CWC25: variants seen among roughly 807,000 people sequenced by gnomAD.
The protein encoded by CWC25 is pre-mRNA-splicing factor CWC25 homolog.
A neutral mutation model predicts 54.6 loss-of-function variants in CWC25; 31 were observed. The observed-to-expected ratio is 0.57, with a 90% CI of 0.43 to 0.77. The LOEUF (loss-of-function observed/expected upper bound fraction) is 0.77, where lower values mean the gene tolerates loss of function less well. CWC25 is among the 30% of genes least tolerant of loss of function. The pLI, the probability that CWC25 is intolerant of heterozygous loss-of-function variation, is 0.00. For missense variants in CWC25, 453 were observed against 529.3 expected, an observed-to-expected ratio of 0.86 and a Z score of 1.41; for synonymous variants, 151 against 187.0, an observed-to-expected ratio of 0.81 and a Z score of 1.57.
Position 38,806,385 on chromosome 17 carries a change from T to G in CWC25, c.913A>C (p.Lys305Gln), listed in dbSNP as rs1281257748. 1.9e-6 allele frequency: 3 copies of G among 1,613,510 alleles called. No individual in the cohort carries two copies. The highest frequency in any genetic ancestry group is 1.7e-6 in the Non-Finnish European group (2 of 1,179,716). Reference sequence around the variant, plus strand: ...TGGCCTGTCTCTCTCCTGTTCACCTTAGAGTTGTGCCTGTAGCAGACACAG... The same window carrying G: ...TGGCCTGTCTCTCTCCTGTTCACCTGAGAGTTGTGCCTGTAGCAGACACAG... ...SPRPSKLHNSKVNRRETGQTR... is the reference protein window; with the variant it reads ...SPRPSKLHNSQVNRRETGQTR... Residue 305 changes from lysine (K) to glutamine (Q), a missense_variant, in exon 8 of 10, where the codon AAG (lysine) becomes CAG (glutamine). Physicochemically the swap from Lys to Gln is moderately conservative, Grantham distance 53. Coordinates refer to ENST00000614790, the MANE Select transcript of CWC25 (RefSeq NM_017748.5).
At chr17:38,807,522 G>A (rs1326460437) in intron 6 of CWC25, among the ~76,000 whole-genome samples, 7 of 139,810 alleles carry the variant, frequency 5.0e-5, no homozygotes, top group African/African-American at 1.8e-4. Context: ...TTTGGGAGAC[G>A]GAGGCAGGAG....
chr17:38,802,291 T>TA (rs1225605399), intron 9 of CWC25, 85 bp from the exon 10 acceptor site: 20 of 901,240 alleles, frequency 2.2e-5, no homozygotes, highest in Middle Eastern at 4.3e-4. Context: ...AATGGGTTGT[T>TA]AGCCATAGAG....
chr17:38,811,405 C>T (rs575437702), intron 4 of CWC25, among the ~76,000 whole-genome samples: 3 of 151,508 alleles, frequency 2.0e-5, no homozygotes, highest in Admixed American at 6.6e-5. Flanking sequence ...TGGTAGCAGG[C>T]GCCTGTAGTC....
At chr17:38,808,758 T>C (rs1394736466) in intron 6 of CWC25, among the ~76,000 whole-genome samples, 4 of 149,402 alleles carry the variant, frequency 2.7e-5, no homozygotes, top group East Asian at 2.0e-4. Flanking sequence ...TCCAGCCTGG[T>C]TGACATGGAG....
In CWC25 at chr17:38,806,348, G is replaced by A. The variant is rs768068334; in HGVS notation, c.950C>T (p.Pro317Leu). 3 of 1,613,574 alleles carry A rather than the reference G, an allele frequency of 1.9e-6. No individual in the cohort carries two copies. The East Asian group carries it at 6.7e-5, about 36-fold the overall frequency. Residue 317 changes from proline (P) to leucine (L), a missense_variant, in exon 8 of 10, where the codon CCA (proline) becomes CTA (leucine). Physicochemically the swap from Pro to Leu is moderately conservative, Grantham distance 98. Around this residue, in one of 2 missense-constraint regions of CWC25, gnomAD observed 444 missense variants for 499.2 expected, o/e 0.89. Coordinates refer to ENST00000614790, the MANE Select transcript of CWC25 (RefSeq NM_017748.5). ...TTGGTAGACCTCTTTTTTAGGTGAT[G>A]GGCTCCTAGTTTGGCCTGTCTCTCT... ...NRRETGQTRS[P>L]SPKKEVYQRR...
At position 38,814,975 on chromosome 17, in the gene CWC25, G is replaced by A; in HGVS notation, c.314C>T (p.Ala105Val). 1 of 1,613,852 alleles carries A rather than the reference G, an allele frequency of 6.2e-7. No homozygotes were observed. Among genetic ancestry groups the A allele is most frequent in the Non-Finnish European group, 8.5e-7 (1 of 1,179,880 alleles). Residue 105 changes from alanine to valine, a missense_variant, in exon 3 of 10, where the codon GCA (alanine) becomes GTA (valine). Coordinates refer to ENST00000614790, the MANE Select transcript of CWC25 (RefSeq NM_017748.5). ...YVFEKMEEKE[A>V]GCSSETGLLP... ...AAGTCCTGTTTCAGAAGAGCAGCCT[G>A]CCTCCTTCTCCTCCATCTTCTCAAA...
rs767553988 is a variant in CWC25 at position 38,802,757 on chromosome 17, T to A, written c.1106A>T (p.Asp369Val). Reference sequence around the variant, plus strand: ...CTCTAGCCTCTGCTCCCGTTCCTCATCCTTAGCATGCCTCTTGAGGATGTT... The same window carrying A: ...CTCTAGCCTCTGCTCCCGTTCCTCAACCTTAGCATGCCTCTTGAGGATGTT... The part of the protein sequence containing the change: ...RLNILKRHAK[D>V]EEREQRLEKL... The change falls in exon 9 of 10, where the codon GAT (aspartate) becomes GTT (valine). Residue 369 changes from aspartate (D) to valine (V), a missense_variant. Transcript: ENST00000614790. 9 of 1,614,020 alleles carry A rather than the reference T, an allele frequency of 5.6e-6. No homozygotes were observed. The Admixed American group carries it at 1.5e-4, about 27-fold the overall frequency.
At chr17:38,813,300 A>G (rs1260581350) in intron 3 of CWC25, among the ~76,000 whole-genome samples, 1 of 96,112 alleles carries the variant, frequency 1.0e-5, no homozygotes, top group Non-Finnish European at 2.4e-5. Flanking sequence ...CGTCTCTACC[A>G]AAAAAAACAA....
intron 2 of CWC25, among the ~76,000 whole-genome samples, chr17:38,816,016 G>A (rs2143585727): frequency 6.6e-6 from 1 of 152,126 alleles, no homozygotes; most frequent in East Asian, 1.9e-4. Context: ...CAGCCATCTA[G>A]GGGCCAAATT....
chr17:38,811,663 G>T (rs994146022), intron 4 of CWC25, among the ~76,000 whole-genome samples: 2 of 152,092 alleles, frequency 1.3e-5, no homozygotes, highest in African/African-American at 4.8e-5. Flanking sequence ...ACATTATAGG[G>T]GTTCCCTGTC....
intron 1 of CWC25, among the ~76,000 whole-genome samples, chr17:38,823,193 T>A (rs186422411): frequency 7.0e-4 from 94 of 134,908 alleles, no homozygotes; most frequent in African/African-American, 2.3e-3. Context: ...GAGGTCTTGC[T>A]CTGTCACGCA....
intron 2 of CWC25, among the ~76,000 whole-genome samples, chr17:38,818,840 G>T: frequency 6.6e-6 from 1 of 151,980 alleles, no homozygotes; most frequent in Non-Finnish European, 1.5e-5. Flanking sequence ...TTTCTCTACA[G>T]TTGTGCATCT....
At position 38,810,449 on chromosome 17, in the gene CWC25, CCA is replaced by C; in HGVS notation, c.626+17_626+18del. On this transcript the variant is annotated intron_variant, in intron 5 of 9. Transcript: ENST00000614790. ...GCAAGTGAATCAACGAGAAGGGAGGCCAGTCGCCACATGCTCACCTCCCTGCA... is the reference window on the plus strand; with the variant it reads ...GCAAGTGAATCAACGAGAAGGGAGGCGTCGCCACATGCTCACCTCCCTGCA... 1 of 1,529,156 alleles carries C rather than the reference CCA, an allele frequency of 6.5e-7. No individual in the cohort carries two copies. Among genetic ancestry groups the C allele is most frequent in the African/African-American group, 1.4e-5 (1 of 72,632 alleles). 94.7% of individuals were successfully genotyped at this position (1,529,156 alleles called of 1,614,324 possible). A position where few individuals can be genotyped will look rare whatever the true frequency, so the allele number is the denominator to read the frequency against.
intron 2 of CWC25, among the ~76,000 whole-genome samples, chr17:38,817,224 CAGCT>C (rs1242329693): frequency 6.6e-6 from 1 of 150,998 alleles, no homozygotes; most frequent in Non-Finnish European, 1.5e-5. Flanking sequence ...CCTGTAGTCC[CAGCT>C]ACTCGGGAGG....
At chr17:38,806,552 G>A in intron 7 of CWC25, 157 bp from the exon 8 acceptor site, 1 of 763,726 alleles carries the variant, frequency 1.3e-6, no homozygotes, top group Admixed American at 2.9e-5. Context: ...ACTCACCCCA[G>A]AGCTCCCAAA....
At chr17:38,809,589 G>A in intron 6 of CWC25, 113 bp downstream of exon 6, 2 of 902,466 alleles carry the variant, frequency 2.2e-6, no homozygotes, top group African/African-American at 1.7e-5. Flanking sequence ...ATAAGAATGG[G>A]CCTGTTTCCC....
rs143407770 is a variant in CWC25 at position 38,818,149 on chromosome 17, G to A, written c.191+2752C>T. ...AAATTAGCCAGGCGTGGTGATGTGC[G>A]CCTGTAATCCCAGCTACTCAGGAGG... On this transcript the variant is annotated intron_variant, in intron 2 of 9. Coordinates refer to ENST00000614790, the MANE Select transcript of CWC25 (RefSeq NM_017748.5). 6.9e-3 allele frequency among the ~76,000 whole-genome samples: 1,047 copies of A among 151,178 alleles called. 7 individuals are homozygous for A. Among genetic ancestry groups the A allele is most frequent in the Middle Eastern group, 0.01 (3 of 290 alleles).
intron 1 of CWC25, among the ~76,000 whole-genome samples, chr17:38,823,673 T>C (rs906770406): frequency 6.6e-6 from 1 of 152,128 alleles, no homozygotes; most frequent in Non-Finnish European, 1.5e-5. Flanking sequence ...AGTCCGTCAG[T>C]TGGTCTGACC....
chr17:38,824,334 C>T (rs1366053635), intron 1 of CWC25, among the ~76,000 whole-genome samples: 4 of 152,142 alleles, frequency 2.6e-5, no homozygotes, highest in Non-Finnish European at 5.9e-5. Flanking sequence ...GATCAGAATC[C>T]AGCACTGAAG....
Sources: allele counts gnomAD v4.1 joint callset (sites outside exome capture counted in the v4.1 genomes callset), GRCh38; gene constraint gnomAD v4.1.1; regional missense constraint gnomAD v4.1.1; transcripts MANE v1.5; gene names NCBI Gene and HGNC (gene_info 2026-07-23, HGNC 2026-07-21).